Variants in KSR2 observed in about 807,000 individuals in gnomAD.
KSR2 encodes kinase suppressor of ras 2.
In KSR2, 25 loss-of-function variants were observed where a neutral mutation model predicts 107.8. That is an observed-to-expected ratio of 0.23 (90% CI 0.17 to 0.32). KSR2 has a LOEUF of 0.32. KSR2 is among the 10% of genes least tolerant of loss of function. The probability of loss-of-function intolerance (pLI) is 1.00; values close to 1 mark genes in which losing one functional copy is unlikely to be tolerated. For synonymous variants in KSR2, 480 were observed against 507.0 expected, an observed-to-expected ratio of 0.95 and a Z score of 0.71; for missense variants, 887 against 1,268.9, an observed-to-expected ratio of 0.70 and a Z score of 4.57.
chr12:117,767,653 C>T (rs1315859526), intron 3 of KSR2, among the ~76,000 whole-genome samples: 1 of 148,762 alleles, frequency 6.7e-6, no homozygotes, highest in African/African-American at 2.5e-5. Flanking sequence ...GCTGTGGTGA[C>T]CCACGCGTGT....
chr12:117,495,646 C>T (rs1420537549), intron 14 of KSR2, among the ~76,000 whole-genome samples: 1 of 152,234 alleles, frequency 6.6e-6, no homozygotes, highest in Non-Finnish European at 1.5e-5. Context: ...CCCTCCCCTC[C>T]TTCAGCCTTT....
At chr12:117,646,184 A>G (rs1032054166) in intron 5 of KSR2, among the ~76,000 whole-genome samples, 2 of 152,162 alleles carry the variant, frequency 1.3e-5, no homozygotes, top group African/African-American at 4.8e-5. Context: ...ATAATTATCC[A>G]TGATTTTTCA....
At chr12:117,509,363 G>A (rs927438917) in intron 14 of KSR2, among the ~76,000 whole-genome samples, 1 of 152,090 alleles carries the variant, frequency 6.6e-6, no homozygotes, top group African/African-American at 2.4e-5. Flanking sequence ...TCCAATTCAG[G>A]AGCCAGGTGG....
Position 117,527,318 on chromosome 12 carries a change from C to CACAG in KSR2, c.1803-200_1803-199insCTGT, listed in dbSNP as rs1555212833. Among the ~76,000 whole-genome samples the CACAG allele has an allele frequency of 9.0e-4, 120 of 134,008 alleles. 1 individual carries two copies. Among genetic ancestry groups the CACAG allele is most frequent in the African/African-American group, 3.7e-3 (108 of 29,396 alleles). 87.9% of individuals were successfully genotyped at this position (134,008 alleles called of 152,430 possible). A position where few individuals can be genotyped will look rare whatever the true frequency, so the allele number is the denominator to read the frequency against. ...ACACACACAGACACACACACACACACACACACAGACACACACACACACACA... is the reference window on the plus strand; with the variant it reads ...ACACACACAGACACACACACACACACACAGACACACAGACACACACACACACACA... On this transcript the variant is annotated intron_variant, in intron 12 of 19. Coordinates refer to ENST00000339824, the MANE Select transcript of KSR2 (RefSeq NM_173598.6).
At chr12:117,898,845 T>C (rs977805272) in intron 1 of KSR2, among the ~76,000 whole-genome samples, 3 of 152,132 alleles carry the variant, frequency 2.0e-5, no homozygotes, top group African/African-American at 7.2e-5. Context: ...AAACATCACA[T>C]GTTCTCAGTT....
intron 5 of KSR2, among the ~76,000 whole-genome samples, chr12:117,616,154 C>T (rs1227539262): frequency 3.4e-5 from 3 of 88,934 alleles, no homozygotes; most frequent in South Asian, 5.5e-4. Context: ...GAGTGAGACC[C>T]TGTCTCGAAA....
intron 4 of KSR2, among the ~76,000 whole-genome samples, chr12:117,738,609 T>C (rs973009384): frequency 6.6e-6 from 1 of 152,188 alleles, no homozygotes; most frequent in Non-Finnish European, 1.5e-5. Context: ...GCATGGTGGC[T>C]CATGCCTGTA....
intron 4 of KSR2, among the ~76,000 whole-genome samples, chr12:117,722,284 C>T (rs1277711025): frequency 6.6e-6 from 1 of 152,168 alleles, no homozygotes; most frequent in African/African-American, 2.4e-5. Flanking sequence ...GACCTACATC[C>T]AAACAGCTTG....
rs147267297 is a variant in KSR2 at position 117,461,766 on chromosome 12, C to T, written c.*5433G>A. 189 of 153,044 alleles carry T rather than the reference C, an allele frequency of 1.2e-3. 1 individual carries two copies. Among genetic ancestry groups the T allele is most frequent in the Middle Eastern group, 2.3e-3 (1 of 430 alleles). 9.5% of individuals were successfully genotyped at this position (153,044 alleles called of 1,614,324 possible). ...GTGTGCAGGTGAGGGTGAGGTGGTA[C>T]GGGAGGAGGTGAGGCTGGGAGCCAG... On this transcript the variant is annotated 3_prime_UTR_variant, in exon 20 of 20. Coordinates refer to ENST00000339824, the MANE Select transcript of KSR2 (RefSeq NM_173598.6).
At chr12:117,781,162 A>G (rs777011262) in intron 3 of KSR2, among the ~76,000 whole-genome samples, 10 of 152,208 alleles carry the variant, frequency 6.6e-5, no homozygotes, top group Non-Finnish European at 1.2e-4. Context: ...TCTCTTGCCC[A>G]CTGCCATGTA....
intron 4 of KSR2, among the ~76,000 whole-genome samples, chr12:117,669,775 G>A (rs1884826351): frequency 6.6e-6 from 1 of 152,056 alleles, no homozygotes; most frequent in Admixed American, 6.6e-5. Flanking sequence ...GGCTGAGGTG[G>A]GAGGATCACT....
intron 4 of KSR2, among the ~76,000 whole-genome samples, chr12:117,746,631 CA>C (rs1321403584): frequency 6.6e-6 from 1 of 152,060 alleles, no homozygotes; most frequent in Non-Finnish European, 1.5e-5. Flanking sequence ...AAACTAGCAT[CA>C]GAGTGAACAG....
chr12:117,664,213 T>G (rs1322419904), intron 5 of KSR2, among the ~76,000 whole-genome samples: 1 of 151,334 alleles, frequency 6.6e-6, no homozygotes, highest in Admixed American at 6.6e-5. Flanking sequence ...GTGATGTCCT[T>G]CTCGCAGCCC....
At chr12:117,793,856 C>A (rs1277152782) in intron 3 of KSR2, among the ~76,000 whole-genome samples, 2 of 141,544 alleles carry the variant, frequency 1.4e-5, no homozygotes, top group Non-Finnish European at 1.5e-5. Flanking sequence ...TCATACCATG[C>A]GCATATACAC....
chr12:117,761,368 C>T lies in KSR2; in HGVS notation c.629G>A (p.Cys210Tyr). ...RVPSKCVQHY[C>Y]HTSPTPGAPV... The stretch of plus-strand genomic sequence containing the variant: ...GGCCCCGGGAGTGGGGCTGGTGTGA[C>T]AATAGTGCTGGACGCACTTGGACGG... Residue 210 changes from cysteine to tyrosine, a missense_variant, in exon 4 of 20, where the codon TGT becomes TAT. This residue lies in a region of KSR2 where 399 missense variants were observed against 479.5 expected (regional missense o/e 0.83). Coordinates refer to ENST00000339824, the MANE Select transcript of KSR2 (RefSeq NM_173598.6). 6.3e-7 allele frequency: 1 copy of T among 1,598,492 alleles called. No homozygotes were observed.
intron 14 of KSR2, among the ~76,000 whole-genome samples, chr12:117,491,498 C>T (rs566983630): frequency 2.0e-5 from 3 of 152,232 alleles, no homozygotes; most frequent in South Asian, 4.1e-4. Context: ...TCTTTTTATG[C>T]CTGCCTTTTT....
chr12:117,469,886 C>T (rs11068505), intron 18 of KSR2, 91 bp from the exon 19 acceptor site: 168,419 of 1,269,658 alleles, frequency 0.13, 11,916 homozygotes, highest in African/African-American at 0.19. Context: ...TTTGTCCACT[C>T]ATCTGCCCCA....
At chr12:117,661,953 T>C (rs1884449896) in intron 5 of KSR2, among the ~76,000 whole-genome samples, 1 of 152,302 alleles carries the variant, frequency 6.6e-6, no homozygotes, top group African/African-American at 2.4e-5. Context: ...TCCAGGTTTA[T>C]ATATTTCAAT....
intron 4 of KSR2, among the ~76,000 whole-genome samples, chr12:117,711,871 AT>A (rs1345908310): frequency 1.3e-5 from 2 of 152,180 alleles, no homozygotes; most frequent in Admixed American, 6.5e-5. Flanking sequence ...GGGTTGTGCC[AT>A]GAAGAGTTGC....
Sources: gnomAD v4.1 joint callset for allele counts (sites outside exome capture counted in the v4.1 genomes callset) on GRCh38, gnomAD v4.1.1 for gene constraint, gnomAD v4.1.1 regional missense constraint, MANE v1.5 for transcripts, NCBI Gene and HGNC (gene_info 2026-07-23, HGNC 2026-07-21) for gene names.